The following ANO3 variants were observed in gnomAD, a reference collection of about 807,000 sequenced individuals.
ANO3 encodes anoctamin 3.
A neutral mutation model predicts 144.8 loss-of-function variants in ANO3; 99 were observed. That is an observed-to-expected ratio of 0.68 (90% CI 0.58 to 0.81). The LOEUF (loss-of-function observed/expected upper bound fraction) is 0.81, where lower values mean the gene tolerates loss of function less well. Ranked by LOEUF, ANO3 falls within the 30% of genes least tolerant of loss-of-function variation. ANO3 has a pLI of 0.00. For missense variants in ANO3, 905 were observed against 1,202.2 expected (o/e 0.75, Z 3.66); for synonymous variants, 414 against 392.6 (o/e 1.05, Z -0.64).
At chr11:26,589,428 T>TA in intron 14 of ANO3, among the ~76,000 whole-genome samples, 1 of 151,568 alleles carries the variant, frequency 6.6e-6, no homozygotes, top group Admixed American at 6.6e-5. Context: ...TTTTTTTTTT[T>TA]AGTTTCTACA....
chr11:26,469,311 G>A (rs1859699400), intron 4 of ANO3, among the ~76,000 whole-genome samples: 1 of 151,736 alleles, frequency 6.6e-6, no homozygotes, highest in South Asian at 2.1e-4. Flanking sequence ...CTTAAACCTG[G>A]GTGTGTGCAT....
At chr11:26,296,053 AAT>A (rs1232136327) in intron 1 of ANO3, among the ~76,000 whole-genome samples, 25 of 152,306 alleles carry the variant, frequency 1.6e-4, no homozygotes, top group African/African-American at 5.8e-4. Flanking sequence ...TTTTTGTCCA[AAT>A]ATGTGTTTCT....
At chr11:26,420,513 C>A (rs559991094) in intron 1 of ANO3, among the ~76,000 whole-genome samples, 9 of 152,100 alleles carry the variant, frequency 5.9e-5, no homozygotes, top group Non-Finnish European at 1.2e-4. Context: ...TGGGAGACAC[C>A]AGCAGCAGAT....
intron 10 of ANO3, among the ~76,000 whole-genome samples, chr11:26,540,765 A>G (rs2134203404): frequency 6.6e-6 from 1 of 152,352 alleles, no homozygotes. Flanking sequence ...TATGCTAGTT[A>G]GAATGGCTAT....
intron 1 of ANO3, among the ~76,000 whole-genome samples, chr11:26,262,216 C>T (rs1853206313): frequency 6.6e-6 from 1 of 152,180 alleles, no homozygotes; most frequent in African/African-American, 2.4e-5. Context: ...GCTTATACTT[C>T]TGTGAAAATG....
intron 8 of ANO3, among the ~76,000 whole-genome samples, chr11:26,533,496 G>T (rs1849425731): frequency 6.6e-6 from 1 of 152,152 alleles, no homozygotes; most frequent in Non-Finnish European, 1.5e-5. Flanking sequence ...TGAAGAGTAG[G>T]TTGGAATGCG....
At chr11:26,297,630 T>A (rs756803556) in intron 1 of ANO3, among the ~76,000 whole-genome samples, 10 of 152,212 alleles carry the variant, frequency 6.6e-5, no homozygotes, top group Non-Finnish European at 1.0e-4. Context: ...ATGCTCTTCC[T>A]ACAACTCAAC....
chr11:26,555,706 T>A (rs1283733224), intron 13 of ANO3, among the ~76,000 whole-genome samples: 1 of 152,212 alleles, frequency 6.6e-6, no homozygotes, highest in African/African-American at 2.4e-5. Context: ...GCTACTTGTT[T>A]TATACTTTAA....
At chr11:26,583,776 A>C (rs536859832) in intron 14 of ANO3, among the ~76,000 whole-genome samples, 1 of 152,320 alleles carries the variant, frequency 6.6e-6, no homozygotes, top group African/African-American at 2.4e-5. Context: ...TGATGCTGAA[A>C]ATAAACCTGG....
intron 1 of ANO3, among the ~76,000 whole-genome samples, chr11:26,256,165 C>T (rs1004621700): frequency 6.6e-6 from 1 of 152,106 alleles, no homozygotes; most frequent in Non-Finnish European, 1.5e-5. Flanking sequence ...GAAAGGCTGG[C>T]CTCTTTGGAT....
intron 3 of ANO3, among the ~76,000 whole-genome samples, chr11:26,453,172 T>A (rs1162327236): frequency 5.3e-5 from 8 of 152,168 alleles, no homozygotes; most frequent in Non-Finnish European, 7.3e-5. Flanking sequence ...CTGCATCAAC[T>A]AATGAGCAAA....
intron 14 of ANO3, among the ~76,000 whole-genome samples, chr11:26,573,026 G>C (rs1850887098): frequency 6.6e-6 from 1 of 152,180 alleles, no homozygotes. Context: ...TTATGAAAGG[G>C]AGAAGAGTGA....
At chr11:26,540,368 G>A (rs1051589811) in intron 10 of ANO3, among the ~76,000 whole-genome samples, 7 of 151,970 alleles carry the variant, frequency 4.6e-5, no homozygotes, top group Non-Finnish European at 7.4e-5. Context: ...AAAGTCCTTC[G>A]ATAAAATTCA....
At chr11:26,623,483 C>G (rs1451626180) in intron 17 of ANO3, among the ~76,000 whole-genome samples, 3 of 152,040 alleles carry the variant, frequency 2.0e-5, no homozygotes. Flanking sequence ...AATGTATGCC[C>G]TTTTCTTGAG....
chr11:26,657,043 A>G (rs1853711391), intron 26 of ANO3, among the ~76,000 whole-genome samples: 1 of 152,168 alleles, frequency 6.6e-6, no homozygotes, highest in Admixed American at 6.6e-5. Context: ...TGCCTTGTTT[A>G]GCATACAATT....
intron 1 of ANO3, among the ~76,000 whole-genome samples, chr11:26,255,446 T>G (rs1853035128): frequency 2.0e-5 from 3 of 152,182 alleles, no homozygotes; most frequent in South Asian, 2.1e-4. Flanking sequence ...TGATGGCAGA[T>G]AGTAATCATG....
At chr11:26,361,475 A>G (rs1354909645) in intron 1 of ANO3, among the ~76,000 whole-genome samples, 1 of 152,182 alleles carries the variant, frequency 6.6e-6, no homozygotes, top group Non-Finnish European at 1.5e-5. Flanking sequence ...TGATGATGTA[A>G]TTATCAGGAT....
At chr11:26,517,958 G>T (rs939998533) in intron 6 of ANO3, among the ~76,000 whole-genome samples, 2 of 151,940 alleles carry the variant, frequency 1.3e-5, no homozygotes, top group African/African-American at 4.8e-5. Context: ...GACAATATTA[G>T]AATTAAACAC....
chr11:26,463,121 A>G lies in ANO3; in HGVS notation c.405A>G (p.Lys135=). 6.3e-7 allele frequency: 1 copy of G among 1,586,038 alleles called. No individual in the cohort carries two copies. Among genetic ancestry groups the G allele is most frequent in the Non-Finnish European group, 8.6e-7 (1 of 1,164,102 alleles). Residue 135 remains lysine, a synonymous_variant, in exon 4 of 27, where the codon AAA becomes AAG. Transcript: ENST00000256737. The part of the protein sequence containing the change: ...RLINDFVIKD[K]SEFKTKLSKN... ...TTAATGACTTTGTTATCAAAGATAA[A>G]TCTGAATTCAAGACAAAATTATCTA...
Sources: allele counts gnomAD v4.1 joint callset (sites outside exome capture counted in the v4.1 genomes callset), GRCh38; gene constraint gnomAD v4.1.1; transcripts MANE v1.5; gene names NCBI Gene and HGNC (gene_info 2026-07-23, HGNC 2026-07-21).